The following PARD3 variants were observed in gnomAD, a reference collection of about 807,000 sequenced individuals.
PARD3 encodes partitioning defective 3 homolog.
PARD3 carries 75 observed loss-of-function variants against 155.4 expected under a neutral mutation model. The observed-to-expected ratio is 0.48, with a 90% confidence interval of 0.40 to 0.58. The LOEUF (loss-of-function observed/expected upper bound fraction) is 0.58. PARD3 is among the 20% of genes least tolerant of loss of function. The probability of loss-of-function intolerance (pLI) is 0.00; values close to 1 mark genes in which losing one functional copy is unlikely to be tolerated. For synonymous variants in PARD3, 576 were observed against 610.5 expected, an observed-to-expected ratio of 0.94 and a Z score of 0.83; for missense variants, 1,642 against 1,721.7, an observed-to-expected ratio of 0.95 and a Z score of 0.82.
intron 2 of PARD3, among the ~76,000 whole-genome samples, chr10:34,665,716 T>C (rs1005481404): frequency 6.6e-6 from 1 of 151,764 alleles, no homozygotes; most frequent in African/African-American, 2.4e-5. Flanking sequence ...CACGTGCCTA[T>C]AGTTCCAGCT....
At chr10:34,184,409 C>G (rs1478796694) in intron 22 of PARD3, among the ~76,000 whole-genome samples, 6 of 152,082 alleles carry the variant, frequency 3.9e-5, no homozygotes, top group African/African-American at 1.2e-4. Context: ...GAATCACTTG[C>G]CCTCCTTCGT....
At chr10:34,394,100 T>A (rs901349247) in intron 7 of PARD3, among the ~76,000 whole-genome samples, 2 of 151,626 alleles carry the variant, frequency 1.3e-5, no homozygotes, top group Non-Finnish European at 2.9e-5. Flanking sequence ...CCTCCCAAAG[T>A]GCTAGGATTA....
chr10:34,590,356 G>T (rs1185286062), intron 2 of PARD3, among the ~76,000 whole-genome samples: 3 of 152,196 alleles, frequency 2.0e-5, no homozygotes, highest in African/African-American at 4.8e-5. Context: ...ATGAGGAATT[G>T]TTGCCTGAAT....
chr10:34,342,880 C>A (rs1409337878), intron 15 of PARD3, among the ~76,000 whole-genome samples: 1 of 152,096 alleles, frequency 6.6e-6, no homozygotes, highest in Non-Finnish European at 1.5e-5. Context: ...CAGCACGTTA[C>A]CAAGAAAAAC....
intron 2 of PARD3, among the ~76,000 whole-genome samples, chr10:34,553,781 GTTTTTGTTCAAA>G (rs919896416): frequency 2.0e-5 from 3 of 152,140 alleles, no homozygotes; most frequent in Non-Finnish European, 2.9e-5. Flanking sequence ...AATAAGCAAT[GTTTTTGTTCAAA>G]AGAGGTCTAA....
rs373123700 is a variant in PARD3, at chr10:34,116,482, T to C, written c.3668+3131A>G. 2.1e-4 allele frequency among the ~76,000 whole-genome samples: 32 copies of C among 152,278 alleles called. No individual in the cohort carries two copies. The South Asian group carries it at 6.4e-3, about 31-fold the overall frequency. On this transcript the variant is annotated intron_variant, in intron 24 of 24. Transcript: ENST00000374788. ...ACTTGACTCAAGCTCACGGAGGTGG[T>C]TGCAGTCCCCCCTGACCTCCTGTTT... is the stretch of plus-strand genomic sequence containing the variant.
chr10:34,703,104 C>G (rs2094308910), intron 1 of PARD3, among the ~76,000 whole-genome samples: 2 of 152,018 alleles, frequency 1.3e-5, no homozygotes, highest in Non-Finnish European at 2.9e-5. Context: ...GAAAAACAGG[C>G]CAGGCACAGT....
intron 2 of PARD3, among the ~76,000 whole-genome samples, chr10:34,566,642 A>G (rs1249727993): frequency 1.3e-5 from 2 of 152,216 alleles, no homozygotes; most frequent in Non-Finnish European, 2.9e-5. Context: ...TTTTTCTCTT[A>G]CCTAAATGCA....
intron 22 of PARD3, among the ~76,000 whole-genome samples, chr10:34,248,995 T>G (rs979327310): frequency 6.6e-6 from 1 of 152,228 alleles, no homozygotes; most frequent in Non-Finnish European, 1.5e-5. Flanking sequence ...TAATTCTCCA[T>G]CAGTAGATAT....
intron 15 of PARD3, chr10:34,343,596 T>C (rs972679331): frequency 1.0e-6 from 1 of 985,314 alleles, no homozygotes; most frequent in Non-Finnish European, 1.2e-6. Context: ...GCCAGGAATA[T>C]AGTTTTGGGT....
chr10:34,353,266 CG>C (rs1194091597), intron 14 of PARD3, among the ~76,000 whole-genome samples: 1 of 152,044 alleles, frequency 6.6e-6, no homozygotes, highest in African/African-American at 2.4e-5. Context: ...GCAGTTTTGT[CG>C]AGTAGAAAAG....
rs745637071 is a variant in PARD3, at chr10:34,447,480, C to CAAAAAAAAAAAA, written c.714+2825_714+2836dup. The stretch of plus-strand genomic sequence containing the variant: ...TGGGCAACAGAGCAAGACTGCGTCT[C>CAAAAAAAAAAAA]AAAAAAAAAAAAAAAAAAAAAAAAA... On this transcript the variant is annotated intron_variant, in intron 5 of 24. Transcript: ENST00000374788. 8.1e-4 allele frequency among the ~76,000 whole-genome samples: 30 copies of CAAAAAAAAAAAA among 37,212 alleles called. 3 individuals carry two copies. Among genetic ancestry groups the CAAAAAAAAAAAA allele is most frequent in the Non-Finnish European group, 1.1e-3 (22 of 20,576 alleles). The allele number at this position is 37,212 out of a possible 152,430, so 24.4% of individuals were successfully genotyped here. A position where few individuals can be genotyped will look rare whatever the true frequency, so the allele number is the denominator to read the frequency against.
In PARD3 at chr10:34,634,371, G is replaced by A. The variant is rs905106788; in HGVS notation, c.222+61947C>T. On this transcript the variant is annotated intron_variant, in intron 2 of 24. Coordinates refer to ENST00000374788, the MANE Select transcript of PARD3 (RefSeq NM_001184785.2). ...TGCTTAAAATGCTCATATATGTGCAGAAAATTTCTGGAAGGATGCGGGAAA... is the reference window on the plus strand; with the variant it reads ...TGCTTAAAATGCTCATATATGTGCAAAAAATTTCTGGAAGGATGCGGGAAA... Among the ~76,000 whole-genome samples, 7 of 152,144 alleles carry A rather than the reference G, an allele frequency of 4.6e-5. 1 individual carries two copies. The highest frequency in any genetic ancestry group is 1.7e-4 in the African/African-American group (7 of 41,442).
At chr10:34,180,562 T>C (rs1950224816) in intron 22 of PARD3, among the ~76,000 whole-genome samples, 1 of 152,120 alleles carries the variant, frequency 6.6e-6, no homozygotes, top group South Asian at 2.1e-4. Context: ...ATTTAACACA[T>C]GAAAAAATTA....
intron 1 of PARD3, among the ~76,000 whole-genome samples, chr10:34,799,891 G>A (rs960056215): frequency 1.3e-5 from 2 of 151,990 alleles, no homozygotes; most frequent in Non-Finnish European, 2.9e-5. Flanking sequence ...TACTTGTGAA[G>A]CTGAGGCAGG....
intron 22 of PARD3, chr10:34,201,884 T>A (rs765514322): frequency 2.0e-5 from 3 of 152,314 alleles, no homozygotes; most frequent in Non-Finnish European, 2.9e-5. Flanking sequence ...GAGGAAACAC[T>A]GAATGACAGG....
chr10:34,161,245 G>GAAAAAA (rs373658384), intron 22 of PARD3, among the ~76,000 whole-genome samples: 2 of 118,570 alleles, frequency 1.7e-5, no homozygotes, highest in Non-Finnish European at 3.3e-5. Context: ...ACCCTGTCTT[G>GAAAAAA]AAAAAAAAAA....
At chr10:34,668,417 T>C (rs113497385) in intron 2 of PARD3, among the ~76,000 whole-genome samples, 76 of 152,328 alleles carry the variant, frequency 5.0e-4, no homozygotes, top group South Asian at 1.0e-3. Flanking sequence ...CACTGCATCA[T>C]ATCAAAGTTT....
chr10:34,381,682 A>G (rs559927071), intron 9 of PARD3, among the ~76,000 whole-genome samples: 99 of 152,236 alleles, frequency 6.5e-4, no homozygotes, highest in Non-Finnish European at 6.9e-4. Flanking sequence ...CCATAATCCC[A>G]GCACTTTGGG....
Sources: gnomAD v4.1 joint callset for allele counts (sites outside exome capture counted in the v4.1 genomes callset) on GRCh38, gnomAD v4.1.1 for gene constraint, MANE v1.5 for transcripts, NCBI Gene and HGNC (gene_info 2026-07-23, HGNC 2026-07-21) for gene names.